Variants in CFAP74 observed in about 807,000 individuals in gnomAD.
CFAP74 encodes the protein cilia and flagella associated protein 74, also known as cilia- and flagella-associated protein 74.
CFAP74 carries 124 observed loss-of-function variants against 188.9 expected under a neutral mutation model. The ratio of observed to expected loss-of-function variants is 0.66; its 90% CI spans 0.57 to 0.76. The LOEUF (loss-of-function observed/expected upper bound fraction) is 0.76, where lower values mean the gene tolerates loss of function less well. Ranked by LOEUF, CFAP74 falls within the 30% of genes least tolerant of loss-of-function variation. The pLI is 0.00. For synonymous variants in CFAP74, 956 were observed against 916.7 expected (o/e 1.04, Z -0.77); for missense variants, 2,198 against 2,165.2 (o/e 1.02, Z -0.30).
intron 25 of CFAP74, among the ~76,000 whole-genome samples, chr1:1,938,193 T>C (rs1247271598): frequency 2.1e-5 from 3 of 141,520 alleles, no homozygotes; most frequent in African/African-American, 8.4e-5. Flanking sequence ...GCACTCACAT[T>C]CAGTCACATG....
Position 1,988,541 on chromosome 1 carries a change from C to T in CFAP74, c.267G>A (p.Glu89=). The T allele has an allele frequency of 1.2e-6, 2 of 1,613,182 alleles. No homozygotes were observed. The highest frequency in any genetic ancestry group is 8.5e-7 in the Non-Finnish European group (1 of 1,180,026). ...TCTTCTCAGTGAAAAGCTCTTGCTC[C>T]TCATGCATCTTATCCAGGGCGCTCA... ...QNLSALDKMH[E]EQELFTEKMR... Residue 89 remains glutamate, a synonymous_variant, in exon 4 of 39, where the codon GAG becomes GAA. Transcript: ENST00000682832.
Position 1,924,477 on chromosome 1 carries a change from A to C in CFAP74, c.4148T>G (p.Leu1383Arg). 7 of 1,595,092 alleles carry C rather than the reference A, an allele frequency of 4.4e-6. No homozygotes were observed. The highest frequency in any genetic ancestry group is 6.0e-6 in the Non-Finnish European group (7 of 1,173,138). ...SLLPIKFSMHLDSLSSTRGRG... is the reference protein window; with the variant it reads ...SLLPIKFSMHRDSLSSTRGRG... ...GCCCCGGGTGCTGGAGAGGCTGTCC[A>C]GGTGCATGGAGAACTTGATGGGGAG... Residue 1383 changes from leucine to arginine, a missense_variant, in exon 34 of 39, where the codon CTG becomes CGG. Coordinates refer to ENST00000682832, the MANE Select transcript of CFAP74 (RefSeq NM_001304360.2).
chr1:1,970,047 G>C (rs942501002), intron 10 of CFAP74, among the ~76,000 whole-genome samples: 1 of 152,224 alleles, frequency 6.6e-6, no homozygotes, highest in Non-Finnish European at 1.5e-5. Context: ...ACCTGGCCCC[G>C]AGGTCTGGAT....
Position 1,922,949 on chromosome 1 carries a change from G to A in CFAP74, c.4683+36C>T, listed in dbSNP as rs531145751. On this transcript the variant is annotated intron_variant, in intron 37 of 38. Transcript: ENST00000682832. The stretch of plus-strand genomic sequence containing the variant: ...GCCCAGGGCAGGGGAGGCCGAGGGG[G>A]CTGCCTGGTGTCCCCAGGGGCAGTG... 2.4e-5 allele frequency: 37 copies of A among 1,538,166 alleles called. No individual in the cohort carries two copies. In the South Asian group the frequency reaches 4.5e-4, roughly 19 times the overall value.
chr1:1,940,652 G>A (rs1653306174), intron 22 of CFAP74, among the ~76,000 whole-genome samples: 1 of 152,230 alleles, frequency 6.6e-6, no homozygotes, highest in African/African-American at 2.4e-5. Context: ...ACAAGTGACT[G>A]TGGCTCAAAA....
chr1:1,941,965 A>G (rs1653406052), intron 22 of CFAP74, 63 bp downstream of exon 22: 1 of 1,395,284 alleles, frequency 7.2e-7, no homozygotes, highest in African/African-American at 1.4e-5. Flanking sequence ...AGTGGCGAGG[A>G]GCGCCTCGGA....
At position 1,923,754 on chromosome 1, in the gene CFAP74, C is replaced by G. The variant is rs777946752; in HGVS notation, c.4389+21G>C. On this transcript the variant is annotated intron_variant, in intron 35 of 38. Transcript: ENST00000682832. This position sits in a 1 kb window ranked among gnomAD's most constrained non-coding sequence, Gnocchi z 6.3. ...GGGGCCAGGGCCGGGCCGGGCTGAG[C>G]TTGCAGAGCCAGAGCCGCACCTTTT... 6.2e-7 allele frequency: 1 copy of G among 1,613,094 alleles called. No homozygotes were observed.
In CFAP74 at chr1:1,986,951, T is replaced by G; in HGVS notation, c.381A>C (p.Glu127Asp). 1.9e-6 allele frequency: 3 copies of G among 1,601,688 alleles called. No individual in the cohort carries two copies. Among genetic ancestry groups the G allele is most frequent in the Non-Finnish European group, 2.5e-6 (3 of 1,179,578 alleles). ...GGGCCACCTACATGTTGCCCGCCTC[T>G]TCCTCTGTGGCGATCTCGGCTGCCA... ...EAVAAEIATE[E>D]EAGNMAAVGR... Residue 127 changes from glutamate to aspartate, a missense_variant, in exon 5 of 39, where the codon GAA (glutamate) becomes GAC (aspartate). By Grantham distance (45) the Glu-to-Asp change is conservative (BLOSUM62 2). Coordinates refer to ENST00000682832, the MANE Select transcript of CFAP74 (RefSeq NM_001304360.2).
chr1:1,926,599 G>T, intron 30 of CFAP74, 53 bp downstream of exon 30: 1 of 1,544,900 alleles, frequency 6.5e-7, no homozygotes, highest in Non-Finnish European at 8.8e-7. Context: ...TGGGGGAGGC[G>T]TGGGTGTGCC....
intron 10 of CFAP74, among the ~76,000 whole-genome samples, chr1:1,970,094 C>T (rs894264602): frequency 2.6e-5 from 4 of 152,174 alleles, no homozygotes; most frequent in South Asian, 4.1e-4. Context: ...GTGGGGGGTC[C>T]GAGAGGGCAA....
chr1:1,964,812 G>A (rs1476803612), intron 13 of CFAP74, 76 bp downstream of exon 13: 1 of 1,533,930 alleles, frequency 6.5e-7, no homozygotes, highest in African/African-American at 1.4e-5. Flanking sequence ...AAGGTGTCAG[G>A]GGTTGGGCTG....
intron 28 of CFAP74, 54 bp from the exon 29 acceptor site, chr1:1,927,082 C>T (rs1651968158): frequency 6.5e-7 from 1 of 1,544,912 alleles, no homozygotes; most frequent in African/African-American, 1.4e-5. Flanking sequence ...CACCATCGGC[C>T]CAGGCCGGAC....
intron 2 of CFAP74, among the ~76,000 whole-genome samples, chr1:1,989,871 A>G (rs1319398685): frequency 1.3e-5 from 2 of 152,176 alleles, no homozygotes; most frequent in Non-Finnish European, 2.9e-5. Flanking sequence ...AAATCCGAGG[A>G]ACCCTGAGGG....
At chr1:1,987,914 C>A (rs1558062116) in intron 4 of CFAP74, 1 of 338,080 alleles carries the variant, frequency 3.0e-6, no homozygotes, top group East Asian at 8.2e-5. Context: ...GGGTGAAGTA[C>A]CCAAGTTAGG....
rs377409373 is a variant in CFAP74, at chr1:1,972,085, G to C, written c.786-3C>G. 5.6e-4 allele frequency: 894 copies of C among 1,609,000 alleles called. 1 individual carries two copies. The highest frequency in any genetic ancestry group is 6.8e-4 in the Non-Finnish European group (798 of 1,177,634). On this transcript the variant is annotated splice_region_variant and splice_polypyrimidine_tract_variant and intron_variant, in intron 8 of 38. Coordinates refer to ENST00000682832, the MANE Select transcript of CFAP74 (RefSeq NM_001304360.2). ...CCTTCTTCTCTTGCTCTCGGATTCT[G>C]AGGAAGGACATTTAAACATTTTTGA...
At position 1,968,140 on chromosome 1, in the gene CFAP74, GAAGA is replaced by G. The variant is rs1655616887; in HGVS notation, c.1245+491_1245+494del. 4.0e-5 allele frequency among the ~76,000 whole-genome samples: 6 copies of G among 149,890 alleles called. No homozygotes were observed. Among genetic ancestry groups the G allele is most frequent in the Admixed American group, 2.7e-4 (4 of 15,078 alleles). On this transcript the variant is annotated intron_variant, in intron 11 of 38. Coordinates refer to ENST00000682832, the MANE Select transcript of CFAP74 (RefSeq NM_001304360.2). The surrounding 1 kb of genome is among the most constrained non-coding windows in gnomAD (Gnocchi z 4.3). ...ATGAAGAATGAGTGAGTGAATGAAT[GAAGA>G]AAGAATGAGTGAGTGAACGAATAAA...
rs1553225273 is a variant in CFAP74, at chr1:1,954,907, G to GGCC, written c.2176+781_2176+783dup. ...CACAGGCCAAGGGGCAGTGCAGAACGGCCTTCGCAACAGTGTGTACCACGA... is the reference window on the plus strand; with the variant it reads ...CACAGGCCAAGGGGCAGTGCAGAACGGCCGCCTTCGCAACAGTGTGTACCACGA... On this transcript the variant is annotated intron_variant, in intron 18 of 38. Transcript: ENST00000682832. 61 of 1,154,712 alleles carry GGCC rather than the reference G, an allele frequency of 5.3e-5. No homozygotes were observed. In the African/African-American group the frequency reaches 1.0e-3, roughly 19 times the overall value. The allele number at this position is 1,154,712 out of a possible 1,614,324, so 71.5% of individuals were successfully genotyped here. A position where few individuals can be genotyped will look rare whatever the true frequency, so the allele number is the denominator to read the frequency against.
chr1:1,983,989 ATT>A (rs71578355), intron 6 of CFAP74: 3 of 130,144 alleles, frequency 2.3e-5, no homozygotes, highest in Non-Finnish European at 3.3e-5. Flanking sequence ...GCGCCCAGCC[ATT>A]TTTTTTTTTT....
intron 25 of CFAP74, among the ~76,000 whole-genome samples, chr1:1,937,010 C>T (rs906166896): frequency 1.3e-5 from 2 of 151,906 alleles, no homozygotes; most frequent in African/African-American, 4.8e-5. Flanking sequence ...TGTTATGAGA[C>T]GAGAGAGAAT....
Sources: allele counts gnomAD v4.1 joint callset (sites outside exome capture counted in the v4.1 genomes callset), GRCh38; gene constraint gnomAD v4.1.1; non-coding constraint Gnocchi (gnomAD v3.1); transcripts MANE v1.5; gene names NCBI Gene and HGNC (gene_info 2026-07-23, HGNC 2026-07-21).